Variants in KIZ observed in about 807,000 individuals in gnomAD.
KIZ encodes kizuna centrosomal protein.
A neutral mutation model predicts 79.6 loss-of-function variants in KIZ; 68 were observed. That is an observed-to-expected ratio of 0.85 (90% CI 0.70 to 1.05). The LOEUF is 1.05. Ranked by LOEUF, KIZ falls within the 50% of genes least tolerant of loss-of-function variation. KIZ has a pLI of 0.00. For missense variants in KIZ, 797 were observed against 800.4 expected (o/e 1.00, Z 0.05); for synonymous variants, 280 against 281.8 (o/e 0.99, Z 0.06).
intron 6 of KIZ, chr20:21,198,636 A>G (rs1242346422): frequency 6.6e-6 from 1 of 152,618 alleles, no homozygotes; most frequent in Admixed American, 6.5e-5. Flanking sequence ...CATTGATTCT[A>G]TCAAAGGGTG....
At chr20:21,147,067 T>C (rs1453498451) in intron 4 of KIZ, among the ~76,000 whole-genome samples, 3 of 152,248 alleles carry the variant, frequency 2.0e-5, no homozygotes, top group South Asian at 2.1e-4. Context: ...GTTAGTTCTT[T>C]CTATGCCATT....
intron 9 of KIZ, among the ~76,000 whole-genome samples, chr20:21,223,673 T>A (rs2036570719): frequency 6.7e-6 from 1 of 149,830 alleles, no homozygotes; most frequent in East Asian, 1.9e-4. Flanking sequence ...CTCTTTTTTT[T>A]TTTTTTTTTT....
chr20:21,151,023 A>G (rs1385674144), intron 4 of KIZ: 2 of 152,206 alleles, frequency 1.3e-5, no homozygotes, highest in Admixed American at 6.5e-5. Flanking sequence ...TTCAGGCACT[A>G]TTCTAAGGAT....
intron 6 of KIZ, among the ~76,000 whole-genome samples, chr20:21,171,424 T>A (rs2034200142): frequency 6.6e-6 from 1 of 152,186 alleles, no homozygotes; most frequent in African/African-American, 2.4e-5. Context: ...AGCAGAAGTT[T>A]TAAATTTTAT....
At chr20:21,243,241 C>CA (rs2037278823) in intron 11 of KIZ, among the ~76,000 whole-genome samples, 1 of 151,192 alleles carries the variant, frequency 6.6e-6, no homozygotes. Flanking sequence ...AAGAAACAGG[C>CA]ACTAAATTTA....
chr20:21,206,537 C>T (rs995277148), intron 7 of KIZ, among the ~76,000 whole-genome samples: 6 of 152,168 alleles, frequency 3.9e-5, no homozygotes, highest in Non-Finnish European at 8.8e-5. Context: ...AAACCCAACA[C>T]ATGTTCAGGC....
intron 10 of KIZ, among the ~76,000 whole-genome samples, chr20:21,231,257 G>C (rs947755443): frequency 6.6e-6 from 1 of 152,160 alleles, no homozygotes; most frequent in African/African-American, 2.4e-5. Flanking sequence ...CCAGGAGGCA[G>C]AGGTTGCAGT....
chr20:21,144,425 A>G (rs1414632184), intron 3 of KIZ, among the ~76,000 whole-genome samples: 1 of 152,206 alleles, frequency 6.6e-6, no homozygotes, highest in Non-Finnish European at 1.5e-5. Flanking sequence ...CTCTAAGTTC[A>G]GAGGAATAGA....
chr20:21,194,768 T>C (rs779740643), intron 6 of KIZ: 1 of 151,966 alleles, frequency 6.6e-6, no homozygotes, highest in African/African-American at 2.4e-5. Context: ...GGTGGGAGGA[T>C]TGCTTGAGCT....
intron 9 of KIZ, among the ~76,000 whole-genome samples, chr20:21,222,946 A>G (rs192255386): frequency 6.6e-6 from 1 of 152,298 alleles, no homozygotes; most frequent in Admixed American, 6.5e-5. Context: ...TATTCAACCA[A>G]CTACAGGGAA....
chr20:21,234,060 A>G (rs865847625), intron 11 of KIZ, among the ~76,000 whole-genome samples: 3 of 152,206 alleles, frequency 2.0e-5, no homozygotes, highest in African/African-American at 7.2e-5. Flanking sequence ...TCAGGGCCGA[A>G]TGTTACCATT....
chr20:21,189,983 C>T (rs76038925), intron 6 of KIZ, among the ~76,000 whole-genome samples: 2,213 of 152,236 alleles, frequency 0.015, 49 homozygotes, highest in African/African-American at 0.05. Flanking sequence ...TAAGACAGCC[C>T]TTTAAAAGAA....
At chr20:21,169,258 A>G (rs1440279412) in intron 6 of KIZ, among the ~76,000 whole-genome samples, 11 of 152,168 alleles carry the variant, frequency 7.2e-5, no homozygotes, top group Admixed American at 6.5e-4. Flanking sequence ...CCCATCAAAA[A>G]GTGGGCAAAG....
chr20:21,224,586 C>G (rs16982606), intron 9 of KIZ, among the ~76,000 whole-genome samples: 2,221 of 152,308 alleles, frequency 0.015, 49 homozygotes, highest in African/African-American at 0.05. Flanking sequence ...TCTGTTGGTT[C>G]AAGGTCGGTT....
chr20:21,134,194 C>G (rs1568905262), intron 2 of KIZ, among the ~76,000 whole-genome samples: 1 of 152,216 alleles, frequency 6.6e-6, no homozygotes, highest in Admixed American at 6.5e-5. Context: ...GCCCACCAGA[C>G]ACGCCATTAT....
At chr20:21,160,319 A>G (rs2033594850) in intron 4 of KIZ, among the ~76,000 whole-genome samples, 1 of 152,134 alleles carries the variant, frequency 6.6e-6, no homozygotes, top group South Asian at 2.1e-4. Context: ...GTAACCTCCC[A>G]GAACTCATGC....
chr20:21,131,930 C>T (rs1398104183), intron 1 of KIZ, 167 bp from the exon 2 acceptor site: 4 of 512,658 alleles, frequency 7.8e-6, no homozygotes, highest in South Asian at 2.9e-5. Context: ...TTTTCTGCTT[C>T]TTAGACCAGA....
chr20:21,188,339 A>G (rs1202991434), intron 6 of KIZ, among the ~76,000 whole-genome samples: 4 of 152,216 alleles, frequency 2.6e-5, no homozygotes, highest in Non-Finnish European at 5.9e-5. Flanking sequence ...GTTAGCATTC[A>G]ATCATACTTA....
chr20:21,157,919 C>G (rs2033461929), intron 4 of KIZ, among the ~76,000 whole-genome samples: 1 of 152,190 alleles, frequency 6.6e-6, no homozygotes, highest in Non-Finnish European at 1.5e-5. Context: ...TTAAAGGCTT[C>G]TCAGACTCCT....
Sources: gnomAD v4.1 joint callset for allele counts (sites outside exome capture counted in the v4.1 genomes callset) on GRCh38, gnomAD v4.1.1 for gene constraint, MANE v1.5 for transcripts, NCBI Gene and HGNC (gene_info 2026-07-23, HGNC 2026-07-21) for gene names.